Variants in TRMT11 observed in about 807,000 individuals in gnomAD.
TRMT11 encodes the protein tRNA methyltransferase 11.
In TRMT11, 53 loss-of-function variants were observed where a neutral mutation model predicts 62.8. The ratio of observed to expected loss-of-function variants is 0.84; its 90% CI spans 0.68 to 1.06. TRMT11 has a LOEUF of 1.06. Among genes scored for constraint, TRMT11 ranks in the 50% least tolerant of loss-of-function variants. The pLI is 0.00. For synonymous variants in TRMT11, 188 were observed against 190.3 expected (o/e 0.99, Z 0.10); for missense variants, 556 against 553.4 (o/e 1.00, Z -0.05).
chr6:126,184,946 C>T (rs972052594), intron 1 of TRMT11, among the ~76,000 whole-genome samples: 4 of 152,134 alleles, frequency 2.6e-5, no homozygotes, highest in Non-Finnish European at 4.4e-5. Context: ...GAGTGACAGA[C>T]CTGGTTTTGT....
At chr6:126,115,775 C>A (rs1777579821) in exon 21 of TRMT11, among the ~76,000 whole-genome samples, 1 of 152,000 alleles carries the variant, frequency 6.6e-6, no homozygotes, top group Admixed American at 6.6e-5. Flanking sequence ...GACCACAAGC[C>A]TGCCAGAGGG....
intron 21 of TRMT11, among the ~76,000 whole-genome samples, chr6:126,124,155 A>G (rs1306099989): frequency 6.6e-6 from 1 of 152,078 alleles, no homozygotes; most frequent in East Asian, 1.9e-4. Flanking sequence ...ATGTACTAAA[A>G]AGGTATTGGT....
chr6:126,112,799 T>A (rs1246494134), intron 17 of TRMT11, among the ~76,000 whole-genome samples: 1 of 152,102 alleles, frequency 6.6e-6, no homozygotes, highest in African/African-American at 2.4e-5. Flanking sequence ...TTTCTTTCAG[T>A]CATTGACTGT....
At chr6:125,995,222 G>A (rs996928733) in intron 2 of TRMT11, among the ~76,000 whole-genome samples, 3 of 152,332 alleles carry the variant, frequency 2.0e-5, no homozygotes, top group Middle Eastern at 3.4e-3. Context: ...AAGTCCTGTA[G>A]TGTTGGACTT....
intron 21 of TRMT11, among the ~76,000 whole-genome samples, chr6:126,122,922 G>A (rs956286466): frequency 6.6e-5 from 10 of 152,060 alleles, no homozygotes; most frequent in East Asian, 1.9e-4. Context: ...CAGTGAAATC[G>A]TATTTGGCTG....
chr6:126,194,711 T>C (rs964226455), intron 1 of TRMT11, among the ~76,000 whole-genome samples: 3 of 152,212 alleles, frequency 2.0e-5, no homozygotes, highest in Non-Finnish European at 4.4e-5. Context: ...TTGCTTTGTT[T>C]TCAAAAGAGT....
intron 11 of TRMT11, 112 bp from the exon 12 acceptor site, chr6:126,021,048 G>C: frequency 1.6e-6 from 2 of 1,228,694 alleles, no homozygotes; most frequent in South Asian, 3.0e-5. Flanking sequence ...AGCATATGTG[G>C]GGAAAAAGAG....
the TRMT11 span, among the ~76,000 whole-genome samples, chr6:126,228,306 A>G: frequency 6.6e-6 from 1 of 152,354 alleles, no homozygotes; most frequent in East Asian, 1.9e-4. Flanking sequence ...GTCCAGTGTC[A>G]GGGACAGATT....
At chr6:126,000,841 C>T (rs1792349568) in intron 7 of TRMT11, among the ~76,000 whole-genome samples, 1 of 152,060 alleles carries the variant, frequency 6.6e-6, no homozygotes, top group Non-Finnish European at 1.5e-5. Flanking sequence ...CTTTTCTTCC[C>T]CACTCTCATT....
intron 21 of TRMT11, among the ~76,000 whole-genome samples, chr6:126,130,059 A>G (rs564988688): frequency 6.6e-6 from 1 of 152,206 alleles, no homozygotes; most frequent in Non-Finnish European, 1.5e-5. Context: ...TTTTGCTTGG[A>G]GCATGATGAA....
chr6:125,999,698 G>A, intron 7 of TRMT11, 85 bp downstream of exon 7: 3 of 1,214,048 alleles, frequency 2.5e-6, no homozygotes, highest in Non-Finnish European at 2.3e-6. Context: ...TGCTAAAAGA[G>A]TAAATGGATA....
chr6:126,089,895 A>T (rs1777255552), intron 17 of TRMT11, among the ~76,000 whole-genome samples: 1 of 152,250 alleles, frequency 6.6e-6, no homozygotes. Context: ...CAGTTTATTT[A>T]TAAGGAAATT....
chr6:126,175,976 C>T (rs1778380877), upstream of TRMT11, among the ~76,000 whole-genome samples: 1 of 152,160 alleles, frequency 6.6e-6, no homozygotes, highest in Non-Finnish European at 1.5e-5. Context: ...CCCCTTATCC[C>T]CTTTCTCAGA....
At chr6:126,144,054 T>G (rs1554241295) in intron 21 of TRMT11, among the ~76,000 whole-genome samples, 1 of 152,210 alleles carries the variant, frequency 6.6e-6, no homozygotes, top group Non-Finnish European at 1.5e-5. Context: ...TCTGTTTTGA[T>G]CTTGTTTGAA....
rs192002782 is a variant in TRMT11 at position 125,998,692 on chromosome 6, A to G, written c.522+8A>G. The G allele has an allele frequency of 1.2e-6, 2 of 1,609,084 alleles. No homozygotes were observed. The highest frequency in any genetic ancestry group is 1.7e-5 in the Admixed American group (1 of 58,792). Reference sequence around the variant, plus strand: ...ATTTATTTTGGTAGATGGGTGAGCAAGTTTTCTTTCTACCTATGTCAGTTT... The same window carrying G: ...ATTTATTTTGGTAGATGGGTGAGCAGGTTTTCTTTCTACCTATGTCAGTTT... On this transcript the variant is annotated splice_region_variant and intron_variant, in intron 6 of 12. Transcript: ENST00000334379.
chr6:126,132,540 G>C (rs1392805394), intron 21 of TRMT11, among the ~76,000 whole-genome samples: 1 of 151,828 alleles, frequency 6.6e-6, no homozygotes, highest in Admixed American at 6.6e-5. Flanking sequence ...TAATTTTCCT[G>C]CAGTCATACT....
chr6:126,065,816 T>C (rs1056556946), intron 17 of TRMT11, among the ~76,000 whole-genome samples: 2 of 152,292 alleles, frequency 1.3e-5, no homozygotes, highest in African/African-American at 2.4e-5. Flanking sequence ...TCAGACGAGA[T>C]TGGGAGCGTT....
chr6:126,202,254 G>A (rs1778741165), downstream of TRMT11: 1 of 152,126 alleles, frequency 6.6e-6, no homozygotes, highest in African/African-American at 2.4e-5. Flanking sequence ...ACAAAGCCTG[G>A]CTTAACATAT....
At chr6:126,052,654 G>A (rs1776252258) in intron 16 of TRMT11, among the ~76,000 whole-genome samples, 1 of 152,150 alleles carries the variant, frequency 6.6e-6, no homozygotes, top group Non-Finnish European at 1.5e-5. Context: ...TACTAATTTG[G>A]ATTAAACTGA....
Sources: allele counts gnomAD v4.1 joint callset (sites outside exome capture counted in the v4.1 genomes callset), GRCh38; gene constraint gnomAD v4.1.1; transcripts MANE v1.5; gene names NCBI Gene and HGNC (gene_info 2026-07-23, HGNC 2026-07-21).